LRP11: variants seen among roughly 807,000 people sequenced by gnomAD.
LRP11 encodes LDL receptor related protein 11.
A neutral mutation model predicts 43.1 loss-of-function variants in LRP11; 25 were observed. The observed-to-expected ratio is 0.58, with a 90% CI of 0.42 to 0.81. LRP11 has a LOEUF of 0.81. Among genes scored for constraint, LRP11 ranks in the 30% least tolerant of loss-of-function variants. The probability of loss-of-function intolerance (pLI) is 0.00; values close to 1 mark genes in which losing one functional copy is unlikely to be tolerated. For synonymous variants in LRP11, 316 were observed against 299.4 expected (o/e 1.06, Z -0.57); for missense variants, 623 against 665.1 (o/e 0.94, Z 0.70).
At chr6:149,829,895 A>G (rs1307126795) in intron 5 of LRP11, among the ~76,000 whole-genome samples, 2 of 152,098 alleles carry the variant, frequency 1.3e-5, no homozygotes, top group East Asian at 1.9e-4. Flanking sequence ...CTGGACTTGA[A>G]TGTTCTAGCA....
At chr6:149,838,411 C>G (rs578009797) in intron 3 of LRP11, among the ~76,000 whole-genome samples, 1 of 151,654 alleles carries the variant, frequency 6.6e-6, no homozygotes, top group Non-Finnish European at 1.5e-5. Flanking sequence ...ATTGGCCAGG[C>G]GTGGTGGCTC....
intron 2 of LRP11, among the ~76,000 whole-genome samples, chr6:149,844,227 G>A (rs1404648025): frequency 6.8e-6 from 1 of 147,950 alleles, no homozygotes; most frequent in Non-Finnish European, 1.5e-5. Context: ...ATTCCAATCT[G>A]CTGACAGAGC....
At chr6:149,821,204 C>T (rs773993062) in intron 6 of LRP11, among the ~76,000 whole-genome samples, 4 of 152,138 alleles carry the variant, frequency 2.6e-5, no homozygotes, top group African/African-American at 4.8e-5. Context: ...GCTGGGATTA[C>T]AGGCGTGAGC....
intron 2 of LRP11, among the ~76,000 whole-genome samples, chr6:149,849,725 C>A (rs1776691109): frequency 6.6e-6 from 1 of 152,070 alleles, no homozygotes; most frequent in Non-Finnish European, 1.5e-5. Context: ...CAACAGAGAC[C>A]CTGTCAATGA....
chr6:149,822,513 A>G (rs1337728856), intron 6 of LRP11, among the ~76,000 whole-genome samples: 3 of 119,158 alleles, frequency 2.5e-5, no homozygotes, highest in African/African-American at 3.5e-5. Flanking sequence ...AAAAAAAAAA[A>G]AAAAAAGACT....
intron 5 of LRP11, among the ~76,000 whole-genome samples, chr6:149,835,256 G>C (rs1481543720): frequency 6.6e-6 from 1 of 152,026 alleles, no homozygotes; most frequent in East Asian, 1.9e-4. Context: ...TGGGATTATA[G>C]GTGAGTCACT....
At chr6:149,838,526 A>C (rs1776502596) in intron 3 of LRP11, among the ~76,000 whole-genome samples, 1 of 151,780 alleles carries the variant, frequency 6.6e-6, no homozygotes, top group African/African-American at 2.4e-5. Context: ...TCTACTAAAA[A>C]TACAAAAAAT....
intron 2 of LRP11, among the ~76,000 whole-genome samples, chr6:149,850,987 G>T (rs1776710411): frequency 6.6e-6 from 1 of 152,228 alleles, no homozygotes; most frequent in Non-Finnish European, 1.5e-5. Flanking sequence ...ATCCGTGGGG[G>T]CTTTGATTAT....
At chr6:149,863,387 G>C in intron 1 of LRP11, 21 bp downstream of exon 1, 1 of 1,333,498 alleles carries the variant, frequency 7.5e-7, no homozygotes, top group East Asian at 2.8e-5. Context: ...GCCAAGGCCG[G>C]CCCCTCAGTC....
At position 149,827,018 on chromosome 6, in the gene LRP11, G is replaced by C. The variant is rs909845469; in HGVS notation, c.1253-659C>G. Among the ~76,000 whole-genome samples the C allele has an allele frequency of 6.7e-6, 1 of 150,198 alleles. No homozygotes were observed. The highest frequency in any genetic ancestry group is 1.5e-5 in the Non-Finnish European group (1 of 67,826). On this transcript the variant is annotated intron_variant, in intron 5 of 6. Coordinates refer to ENST00000239367, the MANE Select transcript of LRP11 (RefSeq NM_032832.6). This position sits in a 1 kb window ranked among gnomAD's most constrained non-coding sequence, Gnocchi z 4.2. ...CAGAGTCTCTGTTGCCCAGATTGGA[G>C]TGCAGTGGCACGATCTTGGCTCACT... is the stretch of plus-strand genomic sequence containing the variant.
intron 5 of LRP11, among the ~76,000 whole-genome samples, chr6:149,833,087 CGTAA>C (rs1395728465): frequency 6.6e-6 from 1 of 152,144 alleles, no homozygotes; most frequent in Non-Finnish European, 1.5e-5. Context: ...GGATTACAAG[CGTAA>C]GCCACCGTTC....
chr6:149,843,164 T>C (rs2115393414), intron 2 of LRP11, 40 bp from the exon 3 acceptor site: 1 of 1,612,896 alleles, frequency 6.2e-7, no homozygotes, highest in Non-Finnish European at 8.5e-7. Flanking sequence ...AGCAGCAGAC[T>C]TGAGCTCCGA....
At chr6:149,844,444 T>G (rs1213338569) in intron 2 of LRP11, among the ~76,000 whole-genome samples, 1 of 152,178 alleles carries the variant, frequency 6.6e-6, no homozygotes, top group Non-Finnish European at 1.5e-5. Flanking sequence ...GCTTGCCCTC[T>G]GCTCTCCCAA....
intron 1 of LRP11, among the ~76,000 whole-genome samples, chr6:149,862,536 G>A (rs1776925742): frequency 6.7e-6 from 1 of 148,434 alleles, no homozygotes; most frequent in African/African-American, 2.5e-5. Context: ...ATCATTTTTA[G>A]TCCTTAAGAA....
Position 149,864,150 on chromosome 6 carries a change from G to A in LRP11, c.-130C>T, listed in dbSNP as rs985359769. The A allele has an allele frequency of 1.7e-6, 2 of 1,154,912 alleles. No homozygotes were observed. Among genetic ancestry groups the A allele is most frequent in the African/African-American group, 3.3e-5 (2 of 61,438 alleles). 71.5% of individuals were successfully genotyped at this position (1,154,912 alleles called of 1,614,324 possible). On this transcript the variant is annotated 5_prime_UTR_variant, in exon 1 of 7. Transcript: ENST00000239367. ...TGGCTCTAGGCCCCGGCCTCACAGC[G>A]CGGCGCCCCCGAACCCGGCTGCTCC... is the stretch of plus-strand genomic sequence containing the variant.
intron 1 of LRP11, among the ~76,000 whole-genome samples, chr6:149,859,396 A>ATATT: frequency 8.4e-5 from 6 of 71,498 alleles, no homozygotes; most frequent in East Asian, 8.8e-4. Flanking sequence ...ATATATATAT[A>ATATT]TTTTTTTTTT....
intron 5 of LRP11, among the ~76,000 whole-genome samples, chr6:149,833,847 C>A (rs1230919490): frequency 6.6e-6 from 1 of 152,130 alleles, no homozygotes; most frequent in Non-Finnish European, 1.5e-5. Flanking sequence ...CAGGTGGCAG[C>A]CTGGAGCATT....
At chr6:149,829,244 A>G (rs1391672078) in intron 5 of LRP11, among the ~76,000 whole-genome samples, 1 of 152,104 alleles carries the variant, frequency 6.6e-6, no homozygotes, top group Non-Finnish European at 1.5e-5. Context: ...ATGGTGGGAA[A>G]CTCAAGTCCT....
chr6:149,844,795 G>A (rs180982830), intron 2 of LRP11, among the ~76,000 whole-genome samples: 12 of 152,252 alleles, frequency 7.9e-5, no homozygotes, highest in Admixed American at 7.8e-4. Context: ...ACTGACTTAG[G>A]CTTAGAGGAT....
Sources: allele counts gnomAD v4.1 joint callset (sites outside exome capture counted in the v4.1 genomes callset), GRCh38; gene constraint gnomAD v4.1.1; non-coding constraint Gnocchi (gnomAD v3.1); transcripts MANE v1.5; gene names NCBI Gene and HGNC (gene_info 2026-07-23, HGNC 2026-07-21).